MICU1: variants seen among roughly 807,000 people sequenced by gnomAD.
MICU1 encodes calcium uptake protein 1, mitochondrial.
MICU1 carries 45 observed loss-of-function variants against 56.8 expected under a neutral mutation model. The observed-to-expected ratio is 0.79, with a 90% CI of 0.62 to 1.02. MICU1 has a LOEUF of 1.02. Ranked by LOEUF, MICU1 falls within the 50% of genes least tolerant of loss-of-function variation. The pLI is 0.00. For synonymous variants in MICU1, 186 were observed against 195.1 expected (o/e 0.95, Z 0.39); for missense variants, 504 against 587.1 (o/e 0.86, Z 1.46).
At chr10:72,552,621 T>G (rs1241701499) in intron 3 of MICU1, among the ~76,000 whole-genome samples, 1 of 152,192 alleles carries the variant, frequency 6.6e-6, no homozygotes, top group Admixed American at 6.5e-5. Flanking sequence ...AATGCTGTGA[T>G]CTCGGCTCAC....
intron 3 of MICU1, among the ~76,000 whole-genome samples, chr10:72,556,871 C>A (rs1232908595): frequency 6.6e-6 from 1 of 151,688 alleles, no homozygotes; most frequent in Admixed American, 6.6e-5. Context: ...TCGAGACCAG[C>A]CTGGCCAAAA....
rs145407524 is a variant in MICU1, at chr10:72,621,910, C to CTTAT, written c.-2+4096_-2+4099dup. Among the ~76,000 whole-genome samples the CTTAT allele has an allele frequency of 5.1e-3, 774 of 151,946 alleles. 3 individuals are homozygous for CTTAT. Among genetic ancestry groups the CTTAT allele is most frequent in the African/African-American group, 0.017 (708 of 41,486 alleles). ...ATATTGCAAAAGGAAACCAAGTTCT[C>CTTAT]TTATTTATTTATTTATTTATTGAGC... On this transcript the variant is annotated intron_variant, in intron 1 of 11. Coordinates refer to ENST00000361114, the MANE Select transcript of MICU1 (RefSeq NM_001195518.2).
At chr10:72,412,008 A>C (rs1863831139) in intron 9 of MICU1, among the ~76,000 whole-genome samples, 1 of 152,204 alleles carries the variant, frequency 6.6e-6, no homozygotes, top group African/African-American at 2.4e-5. Flanking sequence ...AGCACTTACT[A>C]ATCACTTATC....
At chr10:72,368,412 G>C in intron 11 of MICU1, 57 bp from the exon 12 acceptor site, 1 of 1,555,876 alleles carries the variant, frequency 6.4e-7, no homozygotes, top group African/African-American at 1.4e-5. Context: ...CAACACCACT[G>C]ATATAATTCC....
chr10:72,507,926 T>C (rs1389568693), intron 6 of MICU1, among the ~76,000 whole-genome samples: 1 of 152,202 alleles, frequency 6.6e-6, no homozygotes, highest in African/African-American at 2.4e-5. Context: ...CCGTTTTGTT[T>C]TGTTTTTAAC....
At chr10:72,576,593 T>C (rs970643633) in intron 1 of MICU1, among the ~76,000 whole-genome samples, 1 of 152,194 alleles carries the variant, frequency 6.6e-6, no homozygotes, top group African/African-American at 2.4e-5. Flanking sequence ...AGGAAAGAAG[T>C]TGTCCTCATA....
intron 8 of MICU1, among the ~76,000 whole-genome samples, chr10:72,464,430 T>C (rs1865730258): frequency 6.6e-6 from 1 of 152,074 alleles, no homozygotes; most frequent in East Asian, 1.9e-4. Context: ...TGCTGTGGCA[T>C]TTCCTCACCA....
intron 8 of MICU1, among the ~76,000 whole-genome samples, chr10:72,433,429 ATT>A (rs1230364146): frequency 2.7e-4 from 33 of 120,716 alleles, no homozygotes; most frequent in African/African-American, 3.6e-4. Flanking sequence ...GTATTTTTGT[ATT>A]TTTTTTTTTT....
intron 9 of MICU1, among the ~76,000 whole-genome samples, chr10:72,416,456 CACA>C (rs1336111954): frequency 1.3e-5 from 2 of 152,050 alleles, no homozygotes; most frequent in African/African-American, 4.8e-5. Context: ...TCTGATATTC[CACA>C]AATGACTAAT....
chr10:72,455,715 T>C (rs1865437764), intron 8 of MICU1, among the ~76,000 whole-genome samples: 1 of 152,186 alleles, frequency 6.6e-6, no homozygotes, highest in Non-Finnish European at 1.5e-5. Context: ...CATATCTTTC[T>C]GGCTGTAAAA....
At chr10:72,421,440 A>G (rs540338354) in intron 9 of MICU1, among the ~76,000 whole-genome samples, 1 of 152,050 alleles carries the variant, frequency 6.6e-6, no homozygotes, top group Admixed American at 6.5e-5. Flanking sequence ...ACGCCTGGCT[A>G]ATTTTTGTAT....
intron 8 of MICU1, 86 bp from the exon 9 acceptor site, chr10:72,423,457 C>A: frequency 7.0e-7 from 1 of 1,429,804 alleles, no homozygotes; most frequent in Admixed American, 2.4e-5. Context: ...TGTTTGATGG[C>A]AGAAAATAGC....
chr10:72,423,070 C>G (rs1864229152), intron 9 of MICU1, among the ~76,000 whole-genome samples, 164 bp downstream of exon 9: 1 of 152,114 alleles, frequency 6.6e-6, no homozygotes, highest in Non-Finnish European at 1.5e-5. Context: ...TCTTCCTCAC[C>G]CATTGCTTAT....
chr10:72,559,636 G>C (rs1250043024), intron 3 of MICU1, among the ~76,000 whole-genome samples: 2 of 151,738 alleles, frequency 1.3e-5, no homozygotes, highest in African/African-American at 4.8e-5. Context: ...AACCATCCTG[G>C]GCAAATATTG....
At chr10:72,463,436 A>G (rs540924295) in intron 8 of MICU1, among the ~76,000 whole-genome samples, 96 of 152,308 alleles carry the variant, frequency 6.3e-4, no homozygotes, top group Middle Eastern at 3.4e-3. Context: ...CCCACATAAT[A>G]TATTTAAGCT....
At chr10:72,503,865 GACACACACACACACAC>G (rs59119352) in intron 6 of MICU1, among the ~76,000 whole-genome samples, 1 of 146,302 alleles carries the variant, frequency 6.8e-6, no homozygotes, top group African/African-American at 2.5e-5. Flanking sequence ...ATTTACAATA[GACACACACACACACAC>G]ACACACACAC....
At chr10:72,434,684 C>T (rs1477387704) in intron 8 of MICU1, among the ~76,000 whole-genome samples, 3 of 152,136 alleles carry the variant, frequency 2.0e-5, no homozygotes, top group Non-Finnish European at 4.4e-5. Context: ...GAGTTAAGAA[C>T]CAAGGACTAA....
chr10:72,574,073 G>A (rs1175504850), intron 1 of MICU1, among the ~76,000 whole-genome samples: 1 of 151,882 alleles, frequency 6.6e-6, no homozygotes, highest in African/African-American at 2.4e-5. Context: ...ATGACTACTT[G>A]GCTCTTCCAA....
intron 8 of MICU1, among the ~76,000 whole-genome samples, chr10:72,457,243 G>C (rs1865500690): frequency 6.7e-6 from 1 of 148,960 alleles, no homozygotes; most frequent in African/African-American, 2.5e-5. Context: ...TAAAGAGAGA[G>C]GGACTTACTC....
Sources: allele counts gnomAD v4.1 joint callset (sites outside exome capture counted in the v4.1 genomes callset), GRCh38; gene constraint gnomAD v4.1.1; transcripts MANE v1.5; gene names NCBI Gene and HGNC (gene_info 2026-07-23, HGNC 2026-07-21).